The following PHKA1 variants were observed in gnomAD, a reference collection of about 807,000 sequenced individuals.
The protein encoded by PHKA1 is phosphorylase kinase regulatory subunit alpha 1.
A neutral mutation model predicts 110.2 loss-of-function variants in PHKA1; 60 were observed. The ratio of observed to expected loss-of-function variants is 0.54; its 90% CI spans 0.44 to 0.68. The LOEUF (loss-of-function observed/expected upper bound fraction) is 0.68, where lower values mean the gene tolerates loss of function less well. Among genes scored for constraint, PHKA1 ranks in the 30% least tolerant of loss-of-function variants. The pLI, the probability that PHKA1 is intolerant of heterozygous loss-of-function variation, is 0.00. For missense variants in PHKA1, 801 were observed against 942.5 expected, an observed-to-expected ratio of 0.85 and a Z score of 1.97; for synonymous variants, 316 against 333.6, an observed-to-expected ratio of 0.95 and a Z score of 0.58.
intron 5 of PHKA1, among the ~76,000 whole-genome samples, chrX:72,681,543 T>TG (rs1185425993): frequency 1.1e-3 from 70 of 64,240 alleles, no homozygotes; most frequent in African/African-American, 1.6e-3. Flanking sequence ...GGGAGGGAGG[T>TG]GGGGGGGTCA....
chrX:72,710,042 CAAAAAAAA>C (rs374071163), intron 2 of PHKA1, among the ~76,000 whole-genome samples: 2 of 19,256 alleles, frequency 1.0e-4, no homozygotes, highest in East Asian at 4.4e-3. Context: ...ACTTAGTCTT[CAAAAAAAA>C]AAAAAAAAAA....
At chrX:72,643,343 A>G (rs1281949010) in intron 14 of PHKA1, among the ~76,000 whole-genome samples, 1 of 111,662 alleles carries the variant, frequency 9.0e-6, no homozygotes, top group East Asian at 2.8e-4. Flanking sequence ...AATCTTTTAC[A>G]AATCTACTCC....
chrX:72,659,470 G>A (rs1239387866), intron 8 of PHKA1, among the ~76,000 whole-genome samples: 1 of 110,698 alleles, frequency 9.0e-6, no homozygotes, highest in Non-Finnish European at 1.9e-5. Context: ...CCTCTCAGTG[G>A]ACAAAGTTAG....
intron 16 of PHKA1, among the ~76,000 whole-genome samples, chrX:72,628,877 C>A (rs1556285043): frequency 1.8e-5 from 2 of 110,190 alleles, no homozygotes; most frequent in Admixed American, 1.9e-4. Flanking sequence ...CCACCCTGCC[C>A]AACCTCCCAT....
At chrX:72,676,214 G>A in intron 5 of PHKA1, 64 bp from the exon 6 acceptor site, 1 of 843,747 alleles carries the variant, frequency 1.2e-6, no homozygotes, top group South Asian at 2.1e-5. Context: ...CTAGATGCAG[G>A]AAGTGTTTAC....
intron 16 of PHKA1, among the ~76,000 whole-genome samples, chrX:72,630,999 G>GTTTTTTTTTTTTTT (rs146161152): frequency 2.6e-3 from 116 of 44,668 alleles, no homozygotes; most frequent in African/African-American, 3.9e-3. Context: ...ATTTTTTCAG[G>GTTTTTTTTTTTTTT]TTTTTTTTTT....
chrX:72,697,305 A>C (rs1362047709), intron 3 of PHKA1: 3 of 111,739 alleles, frequency 2.7e-5, no homozygotes, highest in African/African-American at 9.8e-5. Flanking sequence ...GAGTGCTCAG[A>C]AATCATAGAA....
chrX:72,588,664 A>G (rs2052470905), intron 29 of PHKA1, among the ~76,000 whole-genome samples: 2 of 111,702 alleles, frequency 1.8e-5, no homozygotes, highest in Non-Finnish European at 3.8e-5. Flanking sequence ...AGATCAAAAA[A>G]ATTGATAGAC....
intron 3 of PHKA1, among the ~76,000 whole-genome samples, chrX:72,697,710 T>G (rs1410602363): frequency 9.1e-6 from 1 of 110,028 alleles, no homozygotes; most frequent in East Asian, 2.8e-4. Flanking sequence ...TTTGGCCGGG[T>G]GCGGTGGCTC....
At position 72,636,355 on chromosome X, in the gene PHKA1, T is replaced by C. The variant is rs782741931; in HGVS notation, c.1491A>G (p.Arg497=). 5.0e-6 allele frequency: 6 copies of C among 1,194,877 alleles called. No homozygotes were observed. Among genetic ancestry groups the C allele is most frequent in the African/African-American group, 1.7e-5 (1 of 57,469 alleles). Reference sequence around the variant, plus strand: ...CAAGCACTCCCATGTGTCTGTAGGGTCGTCCACTGAGTTTCATTCTATTGT... The same window carrying C: ...CAAGCACTCCCATGTGTCTGTAGGGCCGTCCACTGAGTTTCATTCTATTGT... ...GCNNRMKLSG[R]PYRHMGVLGT... is the part of the protein sequence containing the mutation. The change falls in exon 15 of 32, where the codon CGA becomes CGG. Residue 497 remains arginine (R), a synonymous_variant. Transcript: ENST00000373542.
At chrX:72,584,997 C>T (rs549925162) in intron 29 of PHKA1, among the ~76,000 whole-genome samples, 24 of 103,210 alleles carry the variant, frequency 2.3e-4, no homozygotes, top group South Asian at 1.4e-3. Context: ...TGAGAACACG[C>T]GGTGTTTGGT....
At chrX:72,625,676 G>C (rs934386415) in intron 17 of PHKA1, among the ~76,000 whole-genome samples, 6 of 111,384 alleles carry the variant, frequency 5.4e-5, no homozygotes, top group African/African-American at 2.0e-4. Context: ...TAAGTTGTTT[G>C]AGAAATCTCC....
chrX:72,676,008 G>T, intron 6 of PHKA1, 62 bp downstream of exon 6: 1 of 849,221 alleles, frequency 1.2e-6, no homozygotes. Context: ...AGTTTTATCT[G>T]TGACAAAGGG....
intron 4 of PHKA1, among the ~76,000 whole-genome samples, chrX:72,689,711 C>T (rs2054010707): frequency 9.0e-6 from 1 of 111,622 alleles, no homozygotes; most frequent in African/African-American, 3.3e-5. Flanking sequence ...GTTTTCATTT[C>T]TCTTGGGTAT....
At chrX:72,710,041 T>TAAAA (rs2054346520) in intron 2 of PHKA1, among the ~76,000 whole-genome samples, 1 of 38,055 alleles carries the variant, frequency 2.6e-5, no homozygotes, top group Admixed American at 5.1e-4. Context: ...GACTTAGTCT[T>TAAAA]CAAAAAAAAA....
intron 8 of PHKA1, among the ~76,000 whole-genome samples, chrX:72,659,296 A>G (rs894331644): frequency 1.3e-4 from 14 of 111,306 alleles, no homozygotes; most frequent in Non-Finnish European, 5.7e-5. Flanking sequence ...TACTTTTCTG[A>G]GTACCTCTTT....
At position 72,627,041 on chromosome X, in the gene PHKA1, C is replaced by T. The variant is rs1256526361; in HGVS notation, c.1723G>A (p.Gly575Arg). 1 of 1,198,836 alleles carries T rather than the reference C, an allele frequency of 8.3e-7. No homozygotes were observed. The highest frequency in any genetic ancestry group is 1.7e-5 in the African/African-American group (1 of 57,530). Residue 575 changes from glycine (G) to arginine (R), a missense_variant, in exon 17 of 32, where the codon GGA (glycine) becomes AGA (arginine). This residue lies in a region of PHKA1 where 502 missense variants were observed against 519.2 expected (regional missense o/e 0.97). Coordinates refer to ENST00000373542, the MANE Select transcript of PHKA1 (RefSeq NM_002637.4). Reference sequence around the variant, plus strand: ...AGGATACTTGAATTCAAGCTTGTTCCATCTTCATCTTGAAATGAACAGAAT... The same window carrying T: ...AGGATACTTGAATTCAAGCTTGTTCTATCTTCATCTTGAAATGAACAGAAT... ...PISHSMLDED[G>R]TSLNSSILAA...
At chrX:72,690,853 C>T (rs782257464) in intron 4 of PHKA1, among the ~76,000 whole-genome samples, 5 of 111,600 alleles carry the variant, frequency 4.5e-5, no homozygotes, top group East Asian at 5.6e-4. Context: ...CTGCAACCTC[C>T]GCCTCCCGGG....
At chrX:72,679,007 G>T (rs1479018618) in intron 5 of PHKA1, among the ~76,000 whole-genome samples, 1 of 112,327 alleles carries the variant, frequency 8.9e-6, no homozygotes, top group Non-Finnish European at 1.9e-5. Context: ...GAAAACCACA[G>T]AAATCTGCAG....
Sources: gnomAD v4.1 joint callset for allele counts (sites outside exome capture counted in the v4.1 genomes callset) on GRCh38, gnomAD v4.1.1 for gene constraint, gnomAD v4.1.1 regional missense constraint, MANE v1.5 for transcripts, NCBI Gene and HGNC (gene_info 2026-07-23, HGNC 2026-07-21) for gene names.